The following COG5 variants were observed in gnomAD, a reference collection of about 807,000 sequenced individuals.
COG5 encodes component of oligomeric golgi complex 5, also known as conserved oligomeric Golgi complex subunit 5.
In COG5, 86 loss-of-function variants were observed where a neutral mutation model predicts 110.4. The ratio of observed to expected loss-of-function variants is 0.78; its 90% CI spans 0.65 to 0.93. The LOEUF (loss-of-function observed/expected upper bound fraction) is 0.93. Ranked by LOEUF, COG5 falls within the 40% of genes least tolerant of loss-of-function variation. The pLI is 0.00. For synonymous variants in COG5, 360 were observed against 334.6 expected, an observed-to-expected ratio of 1.08 and a Z score of -0.83; for missense variants, 1,077 against 987.0, an observed-to-expected ratio of 1.09 and a Z score of -1.22.
chr7:107,296,173 C>CTCTTT (rs796131569), intron 12 of COG5, among the ~76,000 whole-genome samples: 5 of 147,324 alleles, frequency 3.4e-5, no homozygotes, highest in African/African-American at 1.2e-4. Flanking sequence ...CTCTCTCCCT[C>CTCTTT]TCTTTTCTTT....
At chr7:107,524,543 C>T (rs1030704130) in intron 6 of COG5, among the ~76,000 whole-genome samples, 1 of 152,198 alleles carries the variant, frequency 6.6e-6, no homozygotes, top group Admixed American at 6.5e-5. Context: ...ATTTAGTGTA[C>T]ATGTGTATAA....
intron 6 of COG5, among the ~76,000 whole-genome samples, chr7:107,484,175 C>T (rs540154192): frequency 1.2e-4 from 19 of 152,034 alleles, no homozygotes; most frequent in Non-Finnish European, 2.5e-4. Flanking sequence ...CTCAGCCTCT[C>T]GAGTGGCTGG....
At chr7:107,534,193 T>C (rs572293376) in intron 5 of COG5, among the ~76,000 whole-genome samples, 6 of 151,562 alleles carry the variant, frequency 4.0e-5, no homozygotes, top group Non-Finnish European at 7.4e-5. Context: ...GAAAAACTGG[T>C]ACCAGCCACT....
chr7:107,390,123 CA>C (rs1425044844), intron 7 of COG5, among the ~76,000 whole-genome samples: 1 of 152,162 alleles, frequency 6.6e-6, no homozygotes, highest in African/African-American at 2.4e-5. Context: ...GCATTCCTAC[CA>C]GTCAATTTGA....
chr7:107,244,857 T>A (rs1801931986), intron 17 of COG5, among the ~76,000 whole-genome samples: 1 of 152,166 alleles, frequency 6.6e-6, no homozygotes, highest in Admixed American at 6.5e-5. Flanking sequence ...CACAGCTGAA[T>A]TTTACCATAT....
rs749244821 is a variant in COG5 at position 107,474,664 on chromosome 7, G to A, written c.538+52573C>T. 4.3e-6 allele frequency: 7 copies of A among 1,609,344 alleles called. No homozygotes were observed. The highest frequency in any genetic ancestry group is 6.0e-6 in the Non-Finnish European group (7 of 1,176,246). On this transcript the variant is annotated intron_variant, in intron 6 of 21. Coordinates refer to ENST00000297135, the MANE Select transcript of COG5 (RefSeq NM_006348.5). This position sits in a 1 kb window ranked among gnomAD's most constrained non-coding sequence, Gnocchi z 5.7. ...GACACTTTTATGTGTCAGTACAAAT[G>A]AATACTACACTGAACTGGGAATGTA...
At chr7:107,508,594 C>T (rs1021073311) in intron 6 of COG5, among the ~76,000 whole-genome samples, 1 of 152,194 alleles carries the variant, frequency 6.6e-6, no homozygotes, top group Admixed American at 6.5e-5. Flanking sequence ...CAAGTGGGTC[C>T]GTGACCCCCG....
At chr7:107,209,755 T>C (rs1165626451) in intron 21 of COG5, 1 of 936,422 alleles carries the variant, frequency 1.1e-6, no homozygotes, top group East Asian at 1.2e-4. Flanking sequence ...GCCCAGGGCC[T>C]ACCATGCTGA....
intron 10 of COG5, among the ~76,000 whole-genome samples, chr7:107,342,283 G>A (rs550549793): frequency 4.1e-5 from 6 of 146,194 alleles, no homozygotes; most frequent in East Asian, 2.0e-4. Context: ...CTCAACATTC[G>A]ATCATTAGAG....
chr7:107,505,036 A>G (rs1181578327), intron 6 of COG5, among the ~76,000 whole-genome samples: 1 of 152,184 alleles, frequency 6.6e-6, no homozygotes, highest in Non-Finnish European at 1.5e-5. Flanking sequence ...TGCTGGTTGT[A>G]GTAGCAATAT....
At chr7:107,516,087 C>G (rs748969851) in intron 6 of COG5, among the ~76,000 whole-genome samples, 33 of 152,190 alleles carry the variant, frequency 2.2e-4, no homozygotes, top group Non-Finnish European at 1.0e-4. Flanking sequence ...TCAATCTACA[C>G]TTTGTAGTTT....
intron 10 of COG5, among the ~76,000 whole-genome samples, chr7:107,353,436 A>AT (rs1180019539): frequency 1.3e-5 from 2 of 151,492 alleles, no homozygotes; most frequent in East Asian, 3.9e-4. Flanking sequence ...AAAAAAAAAA[A>AT]AAAAAAAGAA....
At chr7:107,537,778 T>C (rs1801699338) in intron 5 of COG5, among the ~76,000 whole-genome samples, 1 of 151,634 alleles carries the variant, frequency 6.6e-6, no homozygotes, top group Non-Finnish European at 1.5e-5. Flanking sequence ...AAAGGATTAT[T>C]TGAATAGACA....
intron 6 of COG5, among the ~76,000 whole-genome samples, chr7:107,513,070 T>C (rs1248697642): frequency 2.6e-5 from 4 of 151,460 alleles, no homozygotes; most frequent in Non-Finnish European, 5.9e-5. Flanking sequence ...ACTAAAGAGC[T>C]TCTACACAGC....
chr7:107,354,454 G>A (rs574375773), intron 10 of COG5, among the ~76,000 whole-genome samples: 12 of 152,292 alleles, frequency 7.9e-5, no homozygotes, highest in East Asian at 3.9e-4. Context: ...CAAGGCAGGC[G>A]GATCATGAGG....
intron 6 of COG5, among the ~76,000 whole-genome samples, chr7:107,489,496 G>C (rs1182770472): frequency 6.6e-6 from 1 of 152,088 alleles, no homozygotes; most frequent in African/African-American, 2.4e-5. Context: ...ATATACTTTT[G>C]TCTTACAGAA....
At chr7:107,468,419 T>TGG (rs1796430679) in intron 6 of COG5, among the ~76,000 whole-genome samples, 1 of 146,864 alleles carries the variant, frequency 6.8e-6, no homozygotes, top group South Asian at 2.2e-4. Context: ...GTGTGTGCTG[T>TGG]GGTGTGTGTG....
intron 19 of COG5, among the ~76,000 whole-genome samples, chr7:107,225,623 C>T (rs990946168): frequency 6.6e-6 from 1 of 152,198 alleles, no homozygotes; most frequent in Non-Finnish European, 1.5e-5. Flanking sequence ...TCAGGTCCTC[C>T]CACCTTAGCC....
chr7:107,285,886 T>G (rs1330898269), intron 12 of COG5, among the ~76,000 whole-genome samples: 1 of 150,656 alleles, frequency 6.6e-6, no homozygotes, highest in Non-Finnish European at 1.5e-5. Flanking sequence ...AAAAATTCCC[T>G]GTCTTCTTAA....
Sources: allele counts gnomAD v4.1 joint callset (sites outside exome capture counted in the v4.1 genomes callset), GRCh38; gene constraint gnomAD v4.1.1; non-coding constraint Gnocchi (gnomAD v3.1); transcripts MANE v1.5; gene names NCBI Gene and HGNC (gene_info 2026-07-23, HGNC 2026-07-21).